The following CBR3 variants were observed in gnomAD, a reference collection of about 807,000 sequenced individuals.
CBR3 encodes the protein carbonyl reductase [NADPH] 3.
Under a neutral mutation model 11.6 loss-of-function variants are expected in CBR3, and 14 were observed. The observed-to-expected ratio is 1.20, with a 90% confidence interval of 0.79 to 1.88. The LOEUF (loss-of-function observed/expected upper bound fraction) is 1.88, where lower values mean the gene tolerates loss of function less well. CBR3 is among the 40% of genes most tolerant of loss of function. The pLI, the probability that CBR3 is intolerant of heterozygous loss-of-function variation, is 0.00. For synonymous variants in CBR3, 125 were observed against 145.6 expected, an observed-to-expected ratio of 0.86 and a Z score of 1.02; for missense variants, 308 against 357.3, an observed-to-expected ratio of 0.86 and a Z score of 1.11.
chr21:36,137,508 AAGGAAGGAAGG>A (rs1568978589), intron 1 of CBR3: 223 of 16,190 alleles, frequency 0.014, no homozygotes, highest in South Asian at 0.065. Flanking sequence ...GAAAGAAAGG[AAGGAAGGAAGG>A]AAGGAAGGAA....
At position 36,135,117 on chromosome 21, in the gene CBR3, C is replaced by G; in HGVS notation, c.-76C>G. 1 of 1,355,796 alleles carries G rather than the reference C, an allele frequency of 7.4e-7. No individual in the cohort carries two copies. Among genetic ancestry groups the G allele is most frequent in the Non-Finnish European group, 9.6e-7 (1 of 1,043,018 alleles). 84.0% of individuals were successfully genotyped at this position (1,355,796 alleles called of 1,614,324 possible). On this transcript the variant is annotated 5_prime_UTR_variant, in exon 1 of 3. Transcript: ENST00000290354. ...CGCGGCGGCATTGACACTAGCTGGG[C>G]TCCTCGGGGCGCGCCCCAGGTGGTC...
intron 1 of CBR3, chr21:36,135,737 G>T: frequency 4.4e-6 from 2 of 453,008 alleles, no homozygotes; most frequent in Non-Finnish European, 7.8e-6. Context: ...GGCCCTCCCC[G>T]AACTGTCAGC....
chr21:36,140,701 C>T (rs2065701136), intron 2 of CBR3, among the ~76,000 whole-genome samples: 1 of 152,086 alleles, frequency 6.6e-6, no homozygotes, highest in African/African-American at 2.4e-5. Flanking sequence ...TCACCATTCA[C>T]CTTTTTAGGT....
chr21:36,135,262 G>C lies in CBR3; in HGVS notation c.70G>C (p.Glu24Gln). 6.3e-7 allele frequency: 1 copy of C among 1,594,158 alleles called. No individual in the cohort carries two copies. Among genetic ancestry groups the C allele is most frequent in the Non-Finnish European group, 8.5e-7 (1 of 1,171,866 alleles). Residue 24 changes from glutamate to glutamine, a missense_variant, in exon 1 of 3, where the codon GAA becomes CAA. Coordinates refer to ENST00000290354, the MANE Select transcript of CBR3 (RefSeq NM_001236.4). ...NRGIGLAIAR[E>Q]LCRQFSGDVV... ...GGGCATCGGCTTGGCCATCGCGCGC[G>C]AACTGTGCCGACAGTTCTCTGGGGA...
chr21:36,135,965 G>A (rs1488853047), intron 1 of CBR3, among the ~76,000 whole-genome samples: 1 of 152,212 alleles, frequency 6.6e-6, no homozygotes, highest in Non-Finnish European at 1.5e-5. Flanking sequence ...GCGCGCGCTT[G>A]CCCTTGGTGG....
intron 1 of CBR3, chr21:36,137,339 G>GGTA: frequency 6.4e-6 from 1 of 155,244 alleles, no homozygotes; most frequent in Non-Finnish European, 1.4e-5. Flanking sequence ...AGCTGGGTGT[G>GGTA]GTGGCATGTG....
chr21:36,137,673 C>T (rs2065672139), intron 1 of CBR3, 152 bp from the exon 2 acceptor site: 1 of 602,830 alleles, frequency 1.7e-6, no homozygotes, highest in Non-Finnish European at 2.9e-6. Context: ...CGGATGCAGA[C>T]TAAAGTTTGA....
intron 2 of CBR3, among the ~76,000 whole-genome samples, chr21:36,143,577 G>A (rs907843501): frequency 4.0e-5 from 6 of 151,856 alleles, no homozygotes; most frequent in African/African-American, 1.5e-4. Flanking sequence ...ATCAAATAGG[G>A]ACTAAAAAGT....
chr21:36,142,011 T>A, intron 2 of CBR3: 4 of 552,026 alleles, frequency 7.2e-6, no homozygotes, highest in Non-Finnish European at 6.9e-6. Context: ...AATATTGATG[T>A]GACTCTCCTC....
chr21:36,141,668 A>C (rs1288082960), intron 2 of CBR3: 2 of 152,236 alleles, frequency 1.3e-5, no homozygotes, highest in Admixed American at 6.5e-5. Flanking sequence ...TTCTAGAGTA[A>C]GGCAGCAGGT....
chr21:36,145,417 G>A (rs1446785737), intron 2 of CBR3, among the ~76,000 whole-genome samples: 3 of 152,140 alleles, frequency 2.0e-5, no homozygotes, highest in Admixed American at 6.5e-5. Context: ...ATGGCTCACT[G>A]CAATCTCTAC....
rs2065649443 is a variant in CBR3 at position 36,135,305 on chromosome 21, G to A, written c.113G>A (p.Arg38Gln). Residue 38 changes from arginine to glutamine, a missense_variant, in exon 1 of 3, where the codon CGG (arginine) becomes CAG (glutamine). Arg to Gln is a conservative substitution (Grantham distance 43, BLOSUM62 1). Coordinates refer to ENST00000290354, the MANE Select transcript of CBR3 (RefSeq NM_001236.4). ...QFSGDVVLTARDVARGQAAVQ... is the reference protein window; with the variant it reads ...QFSGDVVLTAQDVARGQAAVQ... Reference sequence around the variant, plus strand: ...TCTGGGGATGTGGTGCTCACCGCGCGGGACGTGGCGCGGGGCCAGGCGGCC... The same window carrying A: ...TCTGGGGATGTGGTGCTCACCGCGCAGGACGTGGCGCGGGGCCAGGCGGCC... The A allele has an allele frequency of 6.2e-7, 1 of 1,609,984 alleles. No individual in the cohort carries two copies. The highest frequency in any genetic ancestry group is 1.3e-5 in the African/African-American group (1 of 74,848).
rs532301019 is a variant in CBR3, at chr21:36,145,972, A to C, written c.398-104A>C. On this transcript the variant is annotated intron_variant, in intron 2 of 2. Transcript: ENST00000290354. ...CGAGACTCTGTCTCAAAAAAAAAAA[A>C]AAAAAAAAACCTGCACCAAGACTCA... 100 of 803,166 alleles carry C rather than the reference A, an allele frequency of 1.2e-4. No individual in the cohort carries two copies. The East Asian group carries it at 1.6e-3, about 13-fold the overall frequency. 49.8% of individuals were successfully genotyped at this position (803,166 alleles called of 1,614,324 possible).
rs755251391 is a variant in CBR3 at position 36,146,315 on chromosome 21, G to C, written c.637G>C (p.Asp213His). Residue 213 changes from aspartate (D) to histidine (H), a missense_variant, in exon 3 of 3, where the codon GAT becomes CAT. Physicochemically the swap from Asp to His is moderately conservative, Grantham distance 81. Coordinates refer to ENST00000290354, the MANE Select transcript of CBR3 (RefSeq NM_001236.4). ...ATCGAGGATCCTGGCCAGGCGTCTG[G>C]ATGAGAAGAGGAAAGCTGACAGGAT... ...VLSRILARRLDEKRKADRILV... is the reference protein window; with the variant it reads ...VLSRILARRLHEKRKADRILV... The C allele has an allele frequency of 6.2e-7, 1 of 1,614,192 alleles. No individual in the cohort carries two copies. Among genetic ancestry groups the C allele is most frequent in the South Asian group, 1.1e-5 (1 of 91,082 alleles).
intron 2 of CBR3, chr21:36,145,140 T>C (rs899080999): frequency 2.6e-5 from 4 of 152,014 alleles, no homozygotes; most frequent in Non-Finnish European, 4.4e-5. Context: ...AAAGTAAAAA[T>C]AAAACTGCCT....
chr21:36,138,768 CAG>C (rs1388615519), intron 2 of CBR3: 1 of 109,678 alleles, frequency 9.1e-6, no homozygotes, highest in East Asian at 2.7e-4. Context: ...TTTTTTGAGA[CAG>C]AGTCTCGCTC....
intron 1 of CBR3, among the ~76,000 whole-genome samples, chr21:36,137,545 AGG>A (rs1285075775): frequency 7.2e-6 from 1 of 139,182 alleles, no homozygotes; most frequent in East Asian, 2.0e-4. Flanking sequence ...GAAGGAAGGA[AGG>A]AAGGAAGGAA....
In CBR3 at chr21:36,135,943, A is replaced by G. The variant is rs1351416074; in HGVS notation, c.289+462A>G. Among the ~76,000 whole-genome samples the G allele has an allele frequency of 2.0e-5, 3 of 152,230 alleles. No individual in the cohort carries two copies. The East Asian group carries it at 5.8e-4, about 29-fold the overall frequency. ...TGCTCGGGAAAGGAAATGAATCGCT[A>G]AAACAGGATTAGCGCGCGCTTGCCC... On this transcript the variant is annotated intron_variant, in intron 1 of 2. Transcript: ENST00000290354.
Position 36,146,544 on chromosome 21 carries a change from TG to T in CBR3, c.*33del, listed in dbSNP as rs777984954. ...GCTTCGGAGCTTGCTGCTTAATAAATGTTGGTGGAATGAATGAATGAATTGA... is the reference window on the plus strand; with the variant it reads ...GCTTCGGAGCTTGCTGCTTAATAAATTTGGTGGAATGAATGAATGAATTGA... On this transcript the variant is annotated 3_prime_UTR_variant, in exon 3 of 3. Coordinates refer to ENST00000290354, the MANE Select transcript of CBR3 (RefSeq NM_001236.4). 6.5e-7 allele frequency: 1 copy of T among 1,527,598 alleles called. No individual in the cohort carries two copies. Among genetic ancestry groups the T allele is most frequent in the South Asian group, 1.2e-5 (1 of 80,390 alleles). 94.6% of individuals were successfully genotyped at this position (1,527,598 alleles called of 1,614,324 possible). A position where few individuals can be genotyped will look rare whatever the true frequency, so the allele number is the denominator to read the frequency against.
Sources: allele counts gnomAD v4.1 joint callset (sites outside exome capture counted in the v4.1 genomes callset), GRCh38; gene constraint gnomAD v4.1.1; transcripts MANE v1.5; gene names NCBI Gene and HGNC (gene_info 2026-07-23, HGNC 2026-07-21).